Variants in TAOK3 observed in about 807,000 individuals in gnomAD.
TAOK3 encodes the protein TAO kinase 3.
Under a neutral mutation model 120.4 loss-of-function variants are expected in TAOK3, and 40 were observed. The ratio of observed to expected loss-of-function variants is 0.33; its 90% CI spans 0.26 to 0.43. TAOK3 has a LOEUF of 0.43. Ranked by LOEUF, TAOK3 falls within the 20% of genes least tolerant of loss-of-function variation. TAOK3 has a pLI of 1.00. For missense variants in TAOK3, 821 were observed against 1,112.1 expected (o/e 0.74, Z 3.72); for synonymous variants, 355 against 387.5 (o/e 0.92, Z 0.99).
intron 12 of TAOK3, 98 bp from the exon 13 acceptor site, chr12:118,199,355 G>A (rs2037909956): frequency 1.0e-6 from 1 of 968,614 alleles, no homozygotes; most frequent in African/African-American, 1.6e-5. Context: ...GCAGTGTCAA[G>A]TTGCTTTTCT....
At position 118,372,352 on chromosome 12, in the gene TAOK3, C is replaced by A. The variant is rs2045925824; in HGVS notation, c.-194+296G>T. On this transcript the variant is annotated intron_variant, in intron 1 of 20. Coordinates refer to ENST00000392533, the MANE Select transcript of TAOK3 (RefSeq NM_016281.4). This position sits in a 1 kb window ranked among gnomAD's most constrained non-coding sequence, Gnocchi z 4.6. Reference sequence around the variant, plus strand: ...TGCCTCATGAGGCACCCACCCCTCACCCCACTACCCCAGCCCCTCTCCGGG... The same window carrying A: ...TGCCTCATGAGGCACCCACCCCTCAACCCACTACCCCAGCCCCTCTCCGGG... Among the ~76,000 whole-genome samples, 1 of 148,056 alleles carries A rather than the reference C, an allele frequency of 6.8e-6. No homozygotes were observed.
chr12:118,207,450 A>G (rs2038386318), intron 11 of TAOK3, among the ~76,000 whole-genome samples: 1 of 152,200 alleles, frequency 6.6e-6, no homozygotes, highest in Non-Finnish European at 1.5e-5. Context: ...AGAACAATGA[A>G]TAACTAGAAA....
At chr12:118,208,248 A>C (rs2038437288) in intron 11 of TAOK3, among the ~76,000 whole-genome samples, 1 of 152,210 alleles carries the variant, frequency 6.6e-6, no homozygotes, top group South Asian at 2.1e-4. Context: ...TTTTAATGTC[A>C]GGGCAAAAAT....
At chr12:118,272,498 G>A (rs2041749197) in intron 1 of TAOK3, among the ~76,000 whole-genome samples, 1 of 151,918 alleles carries the variant, frequency 6.6e-6, no homozygotes, top group Non-Finnish European at 1.5e-5. Context: ...TGGAGCCAGT[G>A]AATTCGAAAA....
chr12:118,362,549 C>T (rs372843124), intron 1 of TAOK3, among the ~76,000 whole-genome samples: 1 of 152,116 alleles, frequency 6.6e-6, no homozygotes, highest in Admixed American at 6.5e-5. Context: ...AAAGATGGAA[C>T]AATAAGTTTA....
chr12:118,160,239 G>C lies in TAOK3; in HGVS notation c.2259C>G (p.Ile753Met). ...EVTPKNEHKTILKTLKDEQTR... is the reference protein window; with the variant it reads ...EVTPKNEHKTMLKTLKDEQTR... ...TCTGCTCATCTTTCAGTGTCTTTAA[G>C]ATTGTTTTGTGCTCATTCTTTGGAG... is the stretch of plus-strand genomic sequence containing the variant. Residue 753 changes from isoleucine (I) to methionine (M), a missense_variant, in exon 19 of 21, where the codon ATC (isoleucine) becomes ATG (methionine). Ile to Met is a conservative substitution (Grantham distance 10, BLOSUM62 1). Transcript: ENST00000392533. This position sits in a 1 kb window ranked among gnomAD's most constrained non-coding sequence, Gnocchi z 4.2. 6.2e-7 allele frequency: 1 copy of C among 1,614,140 alleles called. No homozygotes were observed. Among genetic ancestry groups the C allele is most frequent in the Non-Finnish European group, 8.5e-7 (1 of 1,180,006 alleles).
At chr12:118,275,246 C>T (rs1302819958) in intron 1 of TAOK3, among the ~76,000 whole-genome samples, 1 of 152,054 alleles carries the variant, frequency 6.6e-6, no homozygotes, top group African/African-American at 2.4e-5. Flanking sequence ...TCAAGCAGCC[C>T]TCTTGTCTCA....
At chr12:118,370,395 T>G (rs2045863567) in intron 1 of TAOK3, among the ~76,000 whole-genome samples, 1 of 152,244 alleles carries the variant, frequency 6.6e-6, no homozygotes, top group African/African-American at 2.4e-5. Context: ...ACAACATTCC[T>G]TTATTCCTCT....
chr12:118,167,679 T>C lies in TAOK3; in HGVS notation c.1899+4778A>G, dbSNP rs1474918424. Among the ~76,000 whole-genome samples the C allele has an allele frequency of 2.0e-5, 3 of 151,836 alleles. No homozygotes were observed. The East Asian group carries it at 5.8e-4, about 29-fold the overall frequency. The stretch of plus-strand genomic sequence containing the variant: ...TTCTCTTTATAGGCTCTTTTTTTTT[T>C]TTTTCCTTTTTTTGCAAAATGACTC... On this transcript the variant is annotated intron_variant, in intron 17 of 20. Transcript: ENST00000392533.
At position 118,338,464 on chromosome 12, in the gene TAOK3, T is replaced by C. The variant is rs138759996; in HGVS notation, c.-194+34184A>G. On this transcript the variant is annotated intron_variant, in intron 1 of 20. Coordinates refer to ENST00000392533, the MANE Select transcript of TAOK3 (RefSeq NM_016281.4). ...GAAGGGATGATTACCACCAAATGGTTACAATACAGTACAAAAGGTGTTTAT... is the reference window on the plus strand; with the variant it reads ...GAAGGGATGATTACCACCAAATGGTCACAATACAGTACAAAAGGTGTTTAT... Among the ~76,000 whole-genome samples, 9 of 152,292 alleles carry C rather than the reference T, an allele frequency of 5.9e-5. No individual in the cohort carries two copies. The East Asian group carries it at 1.7e-3, about 29-fold the overall frequency.
At chr12:118,310,354 G>A (rs139672920) in intron 1 of TAOK3, among the ~76,000 whole-genome samples, 3 of 152,332 alleles carry the variant, frequency 2.0e-5, no homozygotes, top group South Asian at 2.1e-4. Flanking sequence ...AGGTGGTTTT[G>A]ATATTTGGTG....
At chr12:118,359,918 C>G (rs2045534266) in intron 1 of TAOK3, among the ~76,000 whole-genome samples, 1 of 152,060 alleles carries the variant, frequency 6.6e-6, no homozygotes, top group Admixed American at 6.5e-5. Flanking sequence ...TTCAAAAAAG[C>G]TGGAGAAAAT....
intron 1 of TAOK3, among the ~76,000 whole-genome samples, chr12:118,350,334 C>T (rs1173732040): frequency 2.0e-5 from 3 of 152,128 alleles, no homozygotes; most frequent in Non-Finnish European, 4.4e-5. Flanking sequence ...TGCCACAGAT[C>T]TTGAACAAAC....
chr12:118,303,576 G>A (rs1398761553), intron 1 of TAOK3, among the ~76,000 whole-genome samples: 1 of 152,134 alleles, frequency 6.6e-6, no homozygotes, highest in East Asian at 1.9e-4. Context: ...CTAAGAATTG[G>A]TTTCTCTCTA....
rs541205533 is a variant in TAOK3 at position 118,313,788 on chromosome 12, C to A, written c.-193-47029G>T. On this transcript the variant is annotated intron_variant, in intron 1 of 20. Transcript: ENST00000392533. ...CTATATTAAAGAATAACCAGAAGAA[C>A]TTCTTATGTAAAAATCAAACTGGAA... is the stretch of plus-strand genomic sequence containing the variant. Among the ~76,000 whole-genome samples the A allele has an allele frequency of 9.9e-5, 15 of 152,240 alleles. No homozygotes were observed. The East Asian group carries it at 2.9e-3, about 29-fold the overall frequency.
At chr12:118,294,681 A>C (rs2042609582) in intron 1 of TAOK3, among the ~76,000 whole-genome samples, 1 of 152,010 alleles carries the variant, frequency 6.6e-6, no homozygotes, top group South Asian at 2.1e-4. Flanking sequence ...CTAGAATTTC[A>C]TATGAATACA....
At chr12:118,347,465 G>A (rs2044915904) in intron 1 of TAOK3, among the ~76,000 whole-genome samples, 2 of 152,118 alleles carry the variant, frequency 1.3e-5, no homozygotes, top group South Asian at 4.1e-4. Context: ...GGAGGAGGGG[G>A]AGCTTTTCCT....
chr12:118,152,695 G>C, intron 19 of TAOK3: 1 of 346,374 alleles, frequency 2.9e-6, no homozygotes. Context: ...TCCTGGGCTT[G>C]AATTACAGCT....
intron 14 of TAOK3, among the ~76,000 whole-genome samples, chr12:118,186,076 A>C (rs2037057238): frequency 6.6e-6 from 1 of 152,210 alleles, no homozygotes; most frequent in African/African-American, 2.4e-5. Flanking sequence ...CAATTAGCTG[A>C]ATTATTAGGG....
Sources: gnomAD v4.1 joint callset for allele counts (sites outside exome capture counted in the v4.1 genomes callset) on GRCh38, gnomAD v4.1.1 for gene constraint, Gnocchi (gnomAD v3.1) non-coding constraint, MANE v1.5 for transcripts, NCBI Gene and HGNC (gene_info 2026-07-23, HGNC 2026-07-21) for gene names.